Variants in FAT1 observed in about 807,000 individuals in gnomAD.
FAT1 encodes the protein FAT atypical cadherin 1, also known as protocadherin Fat 1.
In FAT1, 171 loss-of-function variants were observed where a neutral mutation model predicts 329.8. The observed-to-expected ratio is 0.52, with a 90% CI of 0.46 to 0.59. The LOEUF (loss-of-function observed/expected upper bound fraction) is 0.59. Ranked by LOEUF, FAT1 falls within the 20% of genes least tolerant of loss-of-function variation. FAT1 has a pLI of 0.00. For synonymous variants in FAT1, 2,233 were observed against 2,228.6 expected, an observed-to-expected ratio of 1.00 and a Z score of -0.06; for missense variants, 5,672 against 5,774.4, an observed-to-expected ratio of 0.98 and a Z score of 0.57.
intron 14 of FAT1, among the ~76,000 whole-genome samples, chr4:186,610,725 T>C (rs1441613323): frequency 2.2e-5 from 3 of 134,530 alleles, no homozygotes; most frequent in Non-Finnish European, 3.0e-5. Flanking sequence ...ATAATTTATA[T>C]AAATATAAAT....
At position 186,606,313 on chromosome 4, in the gene FAT1, G is replaced by GGT. The variant is rs879455524; in HGVS notation, c.10207-101_10207-100insAC. ...AGAGTCCTGACGGGCAGGTCCCAGT[G>GGT]AGCTACCACTATCTGTTGCATCCTG... On this transcript the variant is annotated intron_variant, in intron 16 of 26. Transcript: ENST00000441802. The GGT allele has an allele frequency of 0.016, 21,000 of 1,344,656 alleles. 282 individuals are homozygous for GGT. The highest frequency in any genetic ancestry group is 0.038 in the South Asian group (2,771 of 73,098). The allele number at this position is 1,344,656 out of a possible 1,614,324, so 83.3% of individuals were successfully genotyped here.
chr4:186,595,667 T>C lies in FAT1; in HGVS notation c.13138+22A>G, dbSNP rs752186670. The C allele has an allele frequency of 2.5e-6, 4 of 1,613,310 alleles. 1 individual carries two copies. The highest frequency in any genetic ancestry group is 3.4e-4 in the Middle Eastern group (2 of 5,822). On this transcript the variant is annotated intron_variant, in intron 26 of 26. Transcript: ENST00000441802. The stretch of plus-strand genomic sequence containing the variant: ...CACAACAAGCAAGCAAAGCGCAGTG[T>C]TGCAGCACACTGCTGCCTCACCATT...
rs547567204 is a variant in FAT1 at position 186,705,473 on chromosome 4, T to A, written c.3265+1090A>T. ...AGTAAACAAATTGAGCCCCACCTAT[T>A]GCTGATGAGTGCTATGATCACCCCT... On this transcript the variant is annotated intron_variant, in intron 2 of 26. Coordinates refer to ENST00000441802, the MANE Select transcript of FAT1 (RefSeq NM_005245.4). Among the ~76,000 whole-genome samples, 37 of 152,298 alleles carry A rather than the reference T, an allele frequency of 2.4e-4. 1 individual carries two copies. The South Asian group carries it at 7.7e-3, about 32-fold the overall frequency.
chr4:186,631,388 G>T (rs1319177473), intron 7 of FAT1, among the ~76,000 whole-genome samples: 3 of 139,196 alleles, frequency 2.2e-5, no homozygotes, highest in Admixed American at 7.2e-5. Context: ...GTGTCTCACT[G>T]CCCAGCTGAC....
At chr4:186,663,634 C>T (rs746153102) in intron 2 of FAT1, 21 bp from the exon 3 acceptor site, 24 of 1,571,682 alleles carry the variant, frequency 1.5e-5, no homozygotes, top group East Asian at 2.3e-5. Flanking sequence ...AAAAGAAAAG[C>T]GTAAAGCAGC....
intron 17 of FAT1, among the ~76,000 whole-genome samples, chr4:186,604,971 C>A (rs1033918659): frequency 1.3e-5 from 2 of 151,876 alleles, no homozygotes; most frequent in African/African-American, 4.8e-5. Context: ...GTCATCCCAG[C>A]ACTTTGGGAG....
At position 186,603,212 on chromosome 4, in the gene FAT1, G is replaced by T. The variant is rs1738906903; in HGVS notation, c.11314C>A (p.Pro3772Thr). The T allele has an allele frequency of 6.2e-7, 1 of 1,613,748 alleles. No individual in the cohort carries two copies. Among genetic ancestry groups the T allele is most frequent in the Non-Finnish European group, 8.5e-7 (1 of 1,179,802 alleles). The change falls in exon 19 of 27, where the codon CCC (proline) becomes ACC (threonine). Residue 3772 changes from proline (P) to threonine (T), a missense_variant. By Grantham distance (38) the Pro-to-Thr change is conservative. Transcript: ENST00000441802. ...HSTARLSFVTPRHHRAAVCLC... is the reference protein window; with the variant it reads ...HSTARLSFVTTRHHRAAVCLC... Reference sequence around the variant, plus strand: ...CACACCGCTGCCCTGTGGTGGCGGGGAGTCACAAAACTCAGTCTGGCTGTG... The same window carrying T: ...CACACCGCTGCCCTGTGGTGGCGGGTAGTCACAAAACTCAGTCTGGCTGTG...
intron 2 of FAT1, among the ~76,000 whole-genome samples, chr4:186,704,862 T>C (rs1172043688): frequency 1.3e-5 from 2 of 152,142 alleles, no homozygotes; most frequent in Non-Finnish European, 2.9e-5. Flanking sequence ...ATAGGCCATA[T>C]GCTAGTGGCA....
Position 186,597,625 on chromosome 4 carries a change from C to G in FAT1, c.12368+57G>C. On this transcript the variant is annotated intron_variant, in intron 24 of 26. Transcript: ENST00000441802. ...ATCACTGAAGGTCTGTTGCATCTGC[C>G]AGTCAATATGACGCTATGAAAAGGT... The G allele has an allele frequency of 5.7e-6, 7 of 1,230,724 alleles. No individual in the cohort carries two copies. In the Middle Eastern group the frequency reaches 5.6e-4, roughly 99 times the overall value. The allele number at this position is 1,230,724 out of a possible 1,614,324, so 76.2% of individuals were successfully genotyped here. A position where few individuals can be genotyped will look rare whatever the true frequency, so the allele number is the denominator to read the frequency against.
chr4:186,609,120 A>G, intron 16 of FAT1, 63 bp downstream of exon 16: 1 of 1,573,284 alleles, frequency 6.4e-7, no homozygotes, highest in Non-Finnish European at 8.6e-7. Flanking sequence ...ACAAGAGCAC[A>G]AGGCATTTCT....
upstream of FAT1, among the ~76,000 whole-genome samples, chr4:186,726,025 G>C (rs1316632471): frequency 6.6e-6 from 1 of 152,228 alleles, no homozygotes; most frequent in African/African-American, 2.4e-5. Context: ...AGAGGGCGCT[G>C]CGCCCCTGCA....
chr4:186,588,270 C>A lies in FAT1; in HGVS notation c.*322G>T. The A allele has an allele frequency of 3.6e-6, 1 of 280,650 alleles. No homozygotes were observed. The highest frequency in any genetic ancestry group is 5.5e-5 in the East Asian group (1 of 18,300). The allele number at this position is 280,650 out of a possible 1,614,324, so 17.4% of individuals were successfully genotyped here. A position where few individuals can be genotyped will look rare whatever the true frequency, so the allele number is the denominator to read the frequency against. On this transcript the variant is annotated 3_prime_UTR_variant, in exon 27 of 27. Coordinates refer to ENST00000441802, the MANE Select transcript of FAT1 (RefSeq NM_005245.4). ...ACATAAAATTTACAAAAAAAAGAGA[C>A]AGGAAAATTAAAATAATCAAATCTA...
chr4:186,718,898 A>G (rs1261752744), intron 1 of FAT1, among the ~76,000 whole-genome samples: 2 of 151,892 alleles, frequency 1.3e-5, no homozygotes, highest in Non-Finnish European at 2.9e-5. Context: ...CTAATGTCAA[A>G]CCAATGACCT....
intron 2 of FAT1, among the ~76,000 whole-genome samples, chr4:186,668,077 C>T (rs78223650): frequency 0.02 from 3,108 of 152,222 alleles, 149 homozygotes; most frequent in East Asian, 0.14. Context: ...CTGAGGATTC[C>T]GCTCAGAGTT....
At position 186,618,761 on chromosome 4, in the gene FAT1, C is replaced by G. The variant is rs776819831; in HGVS notation, c.7825G>C (p.Ala2609Pro). ...TKYEVNIGSS[A>P]AKGTSVVKVL... Reference sequence around the variant, plus strand: ...TTAACGACTGAAGTCCCTTTAGCAGCACTGGACCCGATATTCACTTCGTAT... The same window carrying G: ...TTAACGACTGAAGTCCCTTTAGCAGGACTGGACCCGATATTCACTTCGTAT... Residue 2609 changes from alanine to proline, a missense_variant, in exon 10 of 27, where the codon GCT becomes CCT. By Grantham distance (27) the Ala-to-Pro change is conservative. This residue lies in a region of FAT1 where 3,966 missense variants were observed against 3,915.2 expected (regional missense o/e 1.01). Transcript: ENST00000441802. 1 of 1,614,010 alleles carries G rather than the reference C, an allele frequency of 6.2e-7. No individual in the cohort carries two copies. The highest frequency in any genetic ancestry group is 8.5e-7 in the Non-Finnish European group (1 of 1,179,898).
Position 186,709,311 on chromosome 4 carries a change from C to A in FAT1, c.517G>T (p.Ala173Ser), listed in dbSNP as rs1439256953. 1 of 1,613,896 alleles carries A rather than the reference C, an allele frequency of 6.2e-7. No homozygotes were observed. The highest frequency in any genetic ancestry group is 2.2e-5 in the East Asian group (1 of 44,862). ...TTGGTTCCTATGTCTGCATCCGTGG[C>A]GCTGACTCTTGCGATACTGGTCCTT... ...AIRTSIARVS[A>S]TDADIGTNGE... The change falls in exon 2 of 27, where the codon GCC (alanine) becomes TCC (serine). Residue 173 changes from alanine (A) to serine (S), a missense_variant. Transcript: ENST00000441802.
intron 21 of FAT1, 35 bp from the exon 22 acceptor site, chr4:186,600,395 C>T (rs2126415723): frequency 6.5e-7 from 1 of 1,543,176 alleles, no homozygotes; most frequent in African/African-American, 1.4e-5. Flanking sequence ...ACATTACTCT[C>T]ATAGAACCTT....
rs370340394 is a variant in FAT1, at chr4:186,619,220, C to A, written c.7366G>T (p.Ala2456Ser). 4 of 1,613,974 alleles carry A rather than the reference C, an allele frequency of 2.5e-6. No homozygotes were observed. Among genetic ancestry groups the A allele is most frequent in the Non-Finnish European group, 3.4e-6 (4 of 1,179,894 alleles). Residue 2456 changes from alanine (A) to serine (S), a missense_variant, in exon 10 of 27, where the codon GCC becomes TCC. Around this residue, in one of 2 missense-constraint regions of FAT1, gnomAD observed 3,966 missense variants for 3,915.2 expected, o/e 1.01. Transcript: ENST00000441802. ...TTAAGACTGTAAAATGGCTTCAGGGCGTGCCGGTGCAGGTTTGAGAGGGTG... is the reference window on the plus strand; with the variant it reads ...TTAAGACTGTAAAATGGCTTCAGGGAGTGCCGGTGCAGGTTTGAGAGGGTG... ...IITLSNLHRH[A>S]LKPFYSLNLS... is the part of the protein sequence containing the mutation.
At chr4:186,722,236 CAAAT>C (rs1417102100) in intron 1 of FAT1, among the ~76,000 whole-genome samples, 2 of 152,206 alleles carry the variant, frequency 1.3e-5, no homozygotes, top group African/African-American at 4.8e-5. Flanking sequence ...TCAAAAGAGA[CAAAT>C]GAATATACAG....
Sources: gnomAD v4.1 joint callset for allele counts (sites outside exome capture counted in the v4.1 genomes callset) on GRCh38, gnomAD v4.1.1 for gene constraint, gnomAD v4.1.1 regional missense constraint, MANE v1.5 for transcripts, NCBI Gene and HGNC (gene_info 2026-07-23, HGNC 2026-07-21) for gene names.